Variants in FLNB observed in about 807,000 individuals in gnomAD.
The protein encoded by FLNB is filamin-B.
A neutral mutation model predicts 250.6 loss-of-function variants in FLNB; 111 were observed. The observed-to-expected ratio is 0.44, with a 90% confidence interval of 0.38 to 0.52. FLNB has a LOEUF of 0.52. Ranked by LOEUF, FLNB falls within the 20% of genes least tolerant of loss-of-function variation. The pLI, the probability that FLNB is intolerant of heterozygous loss-of-function variation, is 0.00. For missense variants in FLNB, 2,869 were observed against 3,447.8 expected, an observed-to-expected ratio of 0.83 and a Z score of 4.20; for synonymous variants, 1,302 against 1,372.1, an observed-to-expected ratio of 0.95 and a Z score of 1.13.
chr3:58,101,317 G>A (rs868752370), intron 8 of FLNB, among the ~76,000 whole-genome samples: 1 of 152,134 alleles, frequency 6.6e-6, no homozygotes, highest in Non-Finnish European at 1.5e-5. Context: ...GTTAGATTTG[G>A]AAAGGAAAAG....
chr3:58,114,632 C>G (rs776014235), intron 18 of FLNB, among the ~76,000 whole-genome samples: 37 of 151,990 alleles, frequency 2.4e-4, no homozygotes, highest in Non-Finnish European at 4.4e-4. Flanking sequence ...AGTGGCTGCA[C>G]TACTTTACAG....
chr3:58,052,024 C>G (rs2097163207), intron 1 of FLNB, among the ~76,000 whole-genome samples: 1 of 152,024 alleles, frequency 6.6e-6, no homozygotes, highest in Non-Finnish European at 1.5e-5. Context: ...GTGGCTGGGA[C>G]TCCAGGCACG....
intron 1 of FLNB, among the ~76,000 whole-genome samples, chr3:58,025,133 C>CTTTCTT (rs367640675): frequency 1.1e-4 from 13 of 116,550 alleles, no homozygotes; most frequent in Admixed American, 2.1e-4. Context: ...TTCTTTCTTT[C>CTTTCTT]TTTTTTTTTT....
intron 41 of FLNB, among the ~76,000 whole-genome samples, chr3:58,157,224 G>C (rs1189599166): frequency 6.6e-6 from 1 of 152,206 alleles, no homozygotes; most frequent in Non-Finnish European, 1.5e-5. Flanking sequence ...TCTGAACTGG[G>C]AGTAGCAATT....
chr3:58,112,243 C>A lies in FLNB; in HGVS notation c.2670C>A (p.Gly890=). The change falls in exon 18 of 46, where the codon GGC becomes GGA. Residue 890 remains glycine, a synonymous_variant. Coordinates refer to ENST00000295956, the MANE Select transcript of FLNB (RefSeq NM_001457.4). ...TGCAGTTCAACAGCCCTCTTCCTGGCGATGCAGTGAAGGATTTGGATATCA... is the reference window on the plus strand; with the variant it reads ...TGCAGTTCAACAGCCCTCTTCCTGGAGATGCAGTGAAGGATTTGGATATCA... The part of the protein sequence containing the change: ...LNVQFNSPLP[G]DAVKDLDIID... 6.2e-7 allele frequency: 1 copy of A among 1,614,034 alleles called. No homozygotes were observed. Among genetic ancestry groups the A allele is most frequent in the Non-Finnish European group, 8.5e-7 (1 of 1,179,922 alleles).
Position 58,146,875 on chromosome 3 carries a change from C to T in FLNB, c.5610C>T (p.Asp1870=), listed in dbSNP as rs1165004656. The change falls in exon 34 of 46, where the codon GAC becomes GAT. Residue 1870 remains aspartate (D), a synonymous_variant. Transcript: ENST00000295956. ...GPSKAEISCI[D]NKDGTCTVTY... ...CAAAAGCAGAAATCAGCTGCATTGA[C>T]AATAAAGATGGGACATGCACAGTGA... is the stretch of plus-strand genomic sequence containing the variant. 2.5e-6 allele frequency: 4 copies of T among 1,614,188 alleles called. No homozygotes were observed. In the South Asian group the frequency reaches 3.3e-5, roughly 13 times the overall value.
chr3:58,033,476 C>T (rs1455792572), intron 1 of FLNB, among the ~76,000 whole-genome samples: 2 of 151,988 alleles, frequency 1.3e-5, no homozygotes, highest in African/African-American at 4.8e-5. Context: ...CTACAACCTC[C>T]ATCTCCCCAG....
At position 58,106,880 on chromosome 3, in the gene FLNB, C is replaced by T. The variant is rs749268401; in HGVS notation, c.1941+7C>T. 7 of 1,612,114 alleles carry T rather than the reference C, an allele frequency of 4.3e-6. No homozygotes were observed. Among genetic ancestry groups the T allele is most frequent in the East Asian group, 2.2e-5 (1 of 44,886 alleles). ...AGGCTACAACCCTGATCTGGTGAAT[C>T]AGCTGCTGTGCTTCTGTCTTCTTGT... is the stretch of plus-strand genomic sequence containing the variant. On this transcript the variant is annotated splice_region_variant and intron_variant, in intron 12 of 45. Transcript: ENST00000295956.
At position 58,154,928 on chromosome 3, in the gene FLNB, G is replaced by T. The variant is rs754771726; in HGVS notation, c.6772G>T (p.Gly2258Cys). The change falls in exon 40 of 46, where the codon GGT (glycine) becomes TGT (cysteine). Residue 2258 changes from glycine (G) to cysteine (C), a missense_variant and splice_region_variant. By Grantham distance (159) the Gly-to-Cys change is radical. Transcript: ENST00000295956. ...CGVSYIAQEP[G>C]NYEVSIKFND... ...TGTATCTTATATTGCCCAAGAGCCT[G>T]GTATGTATTCAGGGTTCACAAGAGG... 1.9e-6 allele frequency: 3 copies of T among 1,613,808 alleles called. No homozygotes were observed. Among genetic ancestry groups the T allele is most frequent in the Non-Finnish European group, 2.5e-6 (3 of 1,179,764 alleles).
Position 58,109,814 on chromosome 3 carries a change from T to C in FLNB, c.2323+115T>C, listed in dbSNP as rs901485963. 8.2e-6 allele frequency: 12 copies of C among 1,463,456 alleles called. No individual in the cohort carries two copies. The African/African-American group carries it at 1.3e-4, about 15-fold the overall frequency. The allele number at this position is 1,463,456 out of a possible 1,614,324, so 90.7% of individuals were successfully genotyped here. On this transcript the variant is annotated intron_variant, in intron 15 of 45. Coordinates refer to ENST00000295956, the MANE Select transcript of FLNB (RefSeq NM_001457.4). Reference sequence around the variant, plus strand: ...AGTAGTCCATCTGAATAGGTAATCATCTACTGAGCCTCTGAGTCATTCCTT... The same window carrying C: ...AGTAGTCCATCTGAATAGGTAATCACCTACTGAGCCTCTGAGTCATTCCTT...
At chr3:58,170,089 C>G (rs970554442) in intron 45 of FLNB, among the ~76,000 whole-genome samples, 2 of 152,186 alleles carry the variant, frequency 1.3e-5, no homozygotes, top group Non-Finnish European at 2.9e-5. Flanking sequence ...TTCATTCATT[C>G]GTTTGTTCTA....
At chr3:58,143,690 C>T in intron 32 of FLNB, 77 bp downstream of exon 32, 1 of 1,568,692 alleles carries the variant, frequency 6.4e-7, no homozygotes, top group Non-Finnish European at 8.7e-7. Flanking sequence ...TCCTCAGCCG[C>T]TTTGCAGGGA....
intron 8 of FLNB, among the ~76,000 whole-genome samples, chr3:58,100,663 T>G (rs1250415939): frequency 2.0e-5 from 3 of 150,066 alleles, no homozygotes; most frequent in African/African-American, 7.4e-5. Flanking sequence ...GGTGGTGTGA[T>G]CTTGGCTCAC....
At chr3:58,035,016 T>C (rs926828401) in intron 1 of FLNB, among the ~76,000 whole-genome samples, 8 of 152,186 alleles carry the variant, frequency 5.3e-5, no homozygotes, top group Non-Finnish European at 7.4e-5. Context: ...TTGTCCTAGA[T>C]CACATGTTCT....
intron 7 of FLNB, 35 bp downstream of exon 7, chr3:58,098,012 C>T (rs1396432525): frequency 2.9e-5 from 47 of 1,609,578 alleles, no homozygotes; most frequent in Non-Finnish European, 4.0e-5. Flanking sequence ...CTGACCTTTG[C>T]GCTTTCTTCC....
In FLNB at chr3:58,105,076, G is replaced by A. The variant is rs73074072; in HGVS notation, c.1611-4G>A. 0.06 allele frequency: 96,780 copies of A among 1,613,978 alleles called. 3,403 individuals carry two copies. Among genetic ancestry groups the A allele is most frequent in the Non-Finnish European group, 0.07 (82,721 of 1,179,848 alleles). ...TGATGCTTCTTCTATTCCTTTCCCT[G>A]TAGCCCCTTTGAAGTTCAAGTTGGC... On this transcript the variant is annotated splice_polypyrimidine_tract_variant and splice_region_variant and intron_variant, in intron 10 of 45. Transcript: ENST00000295956.
chr3:58,134,935 C>T (rs536019984), intron 27 of FLNB, among the ~76,000 whole-genome samples, 163 bp downstream of exon 27: 3 of 152,330 alleles, frequency 2.0e-5, no homozygotes, highest in East Asian at 1.9e-4. Context: ...AGAAGCAGCT[C>T]ACCTGAGAGA....
rs1559713412 is a variant in FLNB, at chr3:58,126,584, C to A, written c.4062-18C>A. 1 of 1,613,136 alleles carries A rather than the reference C, an allele frequency of 6.2e-7. No homozygotes were observed. The highest frequency in any genetic ancestry group is 8.5e-7 in the Non-Finnish European group (1 of 1,179,358). ...AAATAAATGGTGCACATTTCACTTT[C>A]TTTTCCACTCTTTCCAGAGGCGCAG... On this transcript the variant is annotated intron_variant, in intron 23 of 45. Coordinates refer to ENST00000295956, the MANE Select transcript of FLNB (RefSeq NM_001457.4).
At chr3:58,106,616 C>T (rs1001179148) in intron 11 of FLNB, 64 bp from the exon 12 acceptor site, 11 of 1,483,566 alleles carry the variant, frequency 7.4e-6, no homozygotes, top group East Asian at 4.5e-5. Context: ...AATGAGCTGT[C>T]GTAACATAGA....
Sources: allele counts gnomAD v4.1 joint callset (sites outside exome capture counted in the v4.1 genomes callset), GRCh38; gene constraint gnomAD v4.1.1; transcripts MANE v1.5; gene names NCBI Gene and HGNC (gene_info 2026-07-23, HGNC 2026-07-21).